WWOX: variants seen among roughly 807,000 people sequenced by gnomAD.
WWOX encodes the protein WW domain-containing oxidoreductase.
In WWOX, 69 loss-of-function variants were observed where a neutral mutation model predicts 46.2. The ratio of observed to expected loss-of-function variants is 1.49; its 90% CI spans 1.23 to 1.82. The LOEUF (loss-of-function observed/expected upper bound fraction) is 1.82, where lower values mean the gene tolerates loss of function less well. Ranked by LOEUF, WWOX falls within the 40% of genes most tolerant of loss-of-function variation. The pLI, the probability that WWOX is intolerant of heterozygous loss-of-function variation, is 0.00. For synonymous variants in WWOX, 359 were observed against 202.6 expected, an observed-to-expected ratio of 1.77 and a Z score of -6.56; for missense variants, 919 against 542.6, an observed-to-expected ratio of 1.69 and a Z score of -6.89.
intron 8 of WWOX, among the ~76,000 whole-genome samples, chr16:79,026,457 C>G (rs1042660373): frequency 6.6e-6 from 1 of 151,636 alleles, no homozygotes; most frequent in African/African-American, 2.4e-5. Flanking sequence ...CCTTCCTTCT[C>G]ACATCAGCTT....
At chr16:78,381,862 A>AT (rs2081963503) in intron 5 of WWOX, among the ~76,000 whole-genome samples, 1 of 151,686 alleles carries the variant, frequency 6.6e-6, no homozygotes, top group Admixed American at 6.6e-5. Context: ...CGGTGGTGGG[A>AT]TTTTTTTCTT....
intron 8 of WWOX, among the ~76,000 whole-genome samples, chr16:79,087,322 C>G (rs1244969074): frequency 6.6e-6 from 1 of 152,186 alleles, no homozygotes; most frequent in African/African-American, 2.4e-5. Context: ...CTGTGTTGAG[C>G]AGGGAAGAAG....
rs1286654902 is a variant in WWOX, at chr16:78,490,124, G to GC, written c.1056+57372_1056+57373insC. Among the ~76,000 whole-genome samples the GC allele has an allele frequency of 2.4e-4, 10 of 41,654 alleles. No individual in the cohort carries two copies. In the East Asian group the frequency reaches 0.014, roughly 57 times the overall value. 27.3% of individuals were successfully genotyped at this position (41,654 alleles called of 152,430 possible). ...TAACACTAAACGATTTGTTCAGATT[G>GC]GGGAAAAAATTTTTTTTTTTTTTTT... On this transcript the variant is annotated intron_variant, in intron 8 of 8. Transcript: ENST00000566780.
At chr16:79,058,017 A>G (rs2048294266) in intron 8 of WWOX, among the ~76,000 whole-genome samples, 1 of 152,076 alleles carries the variant, frequency 6.6e-6, no homozygotes, top group Admixed American at 6.5e-5. Context: ...AGTGATTGCG[A>G]ATCTCACTGC....
intron 1 of WWOX, among the ~76,000 whole-genome samples, chr16:78,105,695 C>T (rs921724674): frequency 2.6e-5 from 4 of 152,314 alleles, no homozygotes; most frequent in Admixed American, 6.5e-5. Context: ...CATGAGGCTA[C>T]ATGTCTGAGG....
intron 8 of WWOX, among the ~76,000 whole-genome samples, chr16:78,468,845 C>T (rs541330271): frequency 6.6e-6 from 1 of 152,334 alleles, no homozygotes; most frequent in South Asian, 2.1e-4. Context: ...TATTACACCA[C>T]ATCTTCTGTG....
Position 79,212,298 on chromosome 16 carries a change from C to G in WWOX, c.*502C>G. ...GACCAAGACTGAGCCAGCTTAGCAA[C>G]TGCTGGGGAGACAAATCTCAGAACC... On this transcript the variant is annotated 3_prime_UTR_variant, in exon 9 of 9. Transcript: ENST00000566780. 3.0e-6 allele frequency: 3 copies of G among 995,608 alleles called. No homozygotes were observed. The highest frequency in any genetic ancestry group is 2.6e-5 in the East Asian group (1 of 37,748). 61.7% of individuals were successfully genotyped at this position (995,608 alleles called of 1,614,324 possible). A position where few individuals can be genotyped will look rare whatever the true frequency, so the allele number is the denominator to read the frequency against.
chr16:78,646,283 G>A (rs904189497), intron 8 of WWOX, among the ~76,000 whole-genome samples: 5 of 152,034 alleles, frequency 3.3e-5, no homozygotes, highest in African/African-American at 1.2e-4. Flanking sequence ...CAAAGTGCTG[G>A]GATTATAGGT....
intron 5 of WWOX, among the ~76,000 whole-genome samples, chr16:78,204,745 C>T (rs1250137202): frequency 2.0e-5 from 3 of 152,176 alleles, no homozygotes; most frequent in Non-Finnish European, 4.4e-5. Context: ...TGATTACACA[C>T]CTGCGTGCTG....
chr16:78,960,503 C>A (rs1311979328), intron 8 of WWOX, among the ~76,000 whole-genome samples: 1 of 152,216 alleles, frequency 6.6e-6, no homozygotes, highest in African/African-American at 2.4e-5. Flanking sequence ...GAGATTACAA[C>A]TGCCTCATTT....
intron 8 of WWOX, among the ~76,000 whole-genome samples, chr16:78,854,540 C>G (rs56693811): frequency 3.9e-5 from 6 of 152,292 alleles, no homozygotes; most frequent in South Asian, 4.1e-4. Context: ...AAAAATTCCT[C>G]TATTGAGATT....
chr16:78,373,182 C>G (rs557186447), intron 5 of WWOX, among the ~76,000 whole-genome samples: 2 of 152,228 alleles, frequency 1.3e-5, no homozygotes, highest in African/African-American at 2.4e-5. Context: ...TAGCTCTTCC[C>G]TAGAGCTTCA....
chr16:79,091,606 G>C (rs1280239661), intron 8 of WWOX, among the ~76,000 whole-genome samples: 7 of 152,010 alleles, frequency 4.6e-5, no homozygotes, highest in East Asian at 1.9e-4. Flanking sequence ...TGTGCCCTTT[G>C]CAAGAGAGCA....
At chr16:78,363,244 G>A (rs1426369387) in intron 5 of WWOX, among the ~76,000 whole-genome samples, 1 of 151,488 alleles carries the variant, frequency 6.6e-6, no homozygotes, top group East Asian at 1.9e-4. Flanking sequence ...TTAAAATGTT[G>A]CTTTTAGAGT....
intron 8 of WWOX, among the ~76,000 whole-genome samples, chr16:78,737,326 C>T (rs900560040): frequency 1.5e-4 from 23 of 151,454 alleles, no homozygotes; most frequent in Non-Finnish European, 2.2e-4. Flanking sequence ...AGTACAGATG[C>T]GGTTTCATCA....
At chr16:78,711,534 C>T (rs770427492) in intron 8 of WWOX, among the ~76,000 whole-genome samples, 1 of 152,102 alleles carries the variant, frequency 6.6e-6, no homozygotes, top group African/African-American at 2.4e-5. Flanking sequence ...GTTTGAAAGG[C>T]CAGCCGCAAA....
intron 8 of WWOX, among the ~76,000 whole-genome samples, chr16:78,783,847 T>C (rs899073790): frequency 1.5e-4 from 22 of 151,108 alleles, no homozygotes; most frequent in African/African-American, 4.9e-4. Flanking sequence ...GTGATGATGA[T>C]GGTGATATGA....
intron 8 of WWOX, among the ~76,000 whole-genome samples, chr16:78,588,841 AGGGT>A (rs2045283666): frequency 6.6e-6 from 1 of 152,172 alleles, no homozygotes; most frequent in Admixed American, 6.5e-5. Context: ...AGGTTTACCC[AGGGT>A]GGTGGTAGTG....
At chr16:78,415,104 TATATATA>T (rs1325004624) in intron 6 of WWOX, among the ~76,000 whole-genome samples, 4 of 148,498 alleles carry the variant, frequency 2.7e-5, no homozygotes, top group African/African-American at 7.3e-5. Context: ...AATACAATAT[TATATATA>T]ATATATATTT....
Sources: allele counts gnomAD v4.1 joint callset (sites outside exome capture counted in the v4.1 genomes callset), GRCh38; gene constraint gnomAD v4.1.1; transcripts MANE v1.5; gene names NCBI Gene and HGNC (gene_info 2026-07-23, HGNC 2026-07-21).